The following ESR1 variants were observed in gnomAD, a reference collection of about 807,000 sequenced individuals.
ESR1 encodes the protein estrogen receptor 1.
Under a neutral mutation model 52.7 loss-of-function variants are expected in ESR1, and 12 were observed. That is an observed-to-expected ratio of 0.23 (90% CI 0.15 to 0.37). The LOEUF (loss-of-function observed/expected upper bound fraction) is 0.37, where lower values mean the gene tolerates loss of function less well. ESR1 is among the 10% of genes least tolerant of loss of function. The probability of loss-of-function intolerance (pLI) is 1.00; values close to 1 mark genes in which losing one functional copy is unlikely to be tolerated. For synonymous variants in ESR1, 305 were observed against 316.8 expected, an observed-to-expected ratio of 0.96 and a Z score of 0.39; for missense variants, 584 against 779.7, an observed-to-expected ratio of 0.75 and a Z score of 2.99.
chr6:152,096,615 G>A (rs940198683), intron 7 of ESR1: 37 of 455,528 alleles, frequency 8.1e-5, no homozygotes, highest in African/African-American at 5.8e-4. Context: ...CTGTGAATTC[G>A]GCTTCTACTT....
chr6:152,027,271 C>T (rs2044233291), intron 5 of ESR1, among the ~76,000 whole-genome samples: 1 of 152,046 alleles, frequency 6.6e-6, no homozygotes, highest in African/African-American at 2.4e-5. Context: ...AGCCTCTCAT[C>T]TTATTTTTAT....
In ESR1 at chr6:151,677,443, A is replaced by G. The variant is rs75122803; in HGVS notation, n.73+20680A>G. 9.6e-3 allele frequency among the ~76,000 whole-genome samples: 1,467 copies of G among 152,366 alleles called. 22 individuals are homozygous for G. Among genetic ancestry groups the G allele is most frequent in the African/African-American group, 0.033 (1,357 of 41,584 alleles). On this transcript the variant is annotated intron_variant and non_coding_transcript_variant, in intron 1 of 2. Transcript: ENST00000473497. The stretch of plus-strand genomic sequence containing the variant: ...CCATGGTTCTCTGGGTGAGAGGGTC[A>G]CTGTGAATGAATGTACACACAGAGC...
chr6:152,115,928 C>A (rs1311262963), intron 6 of ESR1, among the ~76,000 whole-genome samples: 1 of 152,150 alleles, frequency 6.6e-6, no homozygotes, highest in Non-Finnish European at 1.5e-5. Flanking sequence ...AACTACTGAT[C>A]CCCAGCTACC....
rs11386586 is a variant in ESR1, at chr6:151,851,530, G to GTT, written c.643+8757_643+8758dup. Among the ~76,000 whole-genome samples the GTT allele has an allele frequency of 4.2e-3, 598 of 142,278 alleles. 5 individuals carry two copies. Among genetic ancestry groups the GTT allele is most frequent in the African/African-American group, 4.0e-3 (155 of 38,596 alleles). 93.3% of individuals were successfully genotyped at this position (142,278 alleles called of 152,430 possible). On this transcript the variant is annotated intron_variant, in intron 2 of 7. Coordinates refer to ENST00000206249, the MANE Select transcript of ESR1 (RefSeq NM_000125.4). The stretch of plus-strand genomic sequence containing the variant: ...AACATGGGAGAGGTATGATGAAGGA[G>GTT]TTTTTTTTTTTTTTTGAGACAGAGT...
At chr6:152,128,974 A>G (rs758200987) in exon 7 of ESR1, 1 of 152,260 alleles carries the variant, frequency 6.6e-6, no homozygotes, top group Non-Finnish European at 1.5e-5. Flanking sequence ...AAGATTATTT[A>G]TGTTCCAGTC....
At chr6:151,669,189 A>AGAGAGAGAG (rs774737323) in intron 1 of ESR1, among the ~76,000 whole-genome samples, 17 of 87,164 alleles carry the variant, frequency 2.0e-4, no homozygotes, top group African/African-American at 4.9e-4. Flanking sequence ...AGAGAGAGAG[A>AGAGAGAGAG]TGGGAATCCA....
chr6:151,862,201 G>A lies in ESR1; in HGVS notation c.644-18454G>A, dbSNP rs78142221. On this transcript the variant is annotated intron_variant, in intron 2 of 7. Transcript: ENST00000206249. ...CTCACTTTTCAGATGAGGAAACCAA[G>A]GTATGTAAGAAACAAAACCAGTGTT... 9.8e-3 allele frequency among the ~76,000 whole-genome samples: 1,486 copies of A among 152,208 alleles called. 30 individuals carry two copies. Among genetic ancestry groups the A allele is most frequent in the African/African-American group, 0.035 (1,438 of 41,532 alleles).
At chr6:151,671,439 C>A (rs2115253014) in intron 1 of ESR1, among the ~76,000 whole-genome samples, 1 of 152,224 alleles carries the variant, frequency 6.6e-6, no homozygotes, top group South Asian at 2.1e-4. Context: ...CACAGAAAGA[C>A]AAATTGTGCA....
chr6:151,911,763 G>C (rs1411250005), intron 3 of ESR1, among the ~76,000 whole-genome samples: 1 of 152,214 alleles, frequency 6.6e-6, no homozygotes, highest in Non-Finnish European at 1.5e-5. Flanking sequence ...ACACCAGTTA[G>C]CTGAGACTCT....
chr6:151,903,835 T>A (rs952814450), intron 3 of ESR1, among the ~76,000 whole-genome samples: 1 of 152,358 alleles, frequency 6.6e-6, no homozygotes, highest in South Asian at 2.1e-4. Flanking sequence ...CCAGATCAAG[T>A]TGAGCCAAGC....
intron 2 of ESR1, among the ~76,000 whole-genome samples, chr6:151,715,842 A>G (rs759688734): frequency 6.6e-6 from 1 of 152,092 alleles, no homozygotes; most frequent in Non-Finnish European, 1.5e-5. Context: ...CTGTCAATTC[A>G]TCAAACTCAT....
intron 4 of ESR1, among the ~76,000 whole-genome samples, chr6:151,999,345 T>C (rs188705853): frequency 2.0e-5 from 3 of 152,270 alleles, no homozygotes; most frequent in East Asian, 3.9e-4. Flanking sequence ...TAGTTAAGGA[T>C]ATTAATGACT....
chr6:151,886,296 G>T (rs1793833322), intron 3 of ESR1, among the ~76,000 whole-genome samples: 1 of 152,062 alleles, frequency 6.6e-6, no homozygotes, highest in Non-Finnish European at 1.5e-5. Flanking sequence ...TTGAGGCAAG[G>T]TTTTCATTGT....
chr6:152,037,442 C>G (rs761687221), intron 5 of ESR1, among the ~76,000 whole-genome samples: 1 of 152,190 alleles, frequency 6.6e-6, no homozygotes, highest in Non-Finnish European at 1.5e-5. Context: ...TTCACCAGGC[C>G]TCTGAAATCA....
At chr6:152,002,644 A>AT (rs1174913115) in intron 4 of ESR1, among the ~76,000 whole-genome samples, 1 of 151,934 alleles carries the variant, frequency 6.6e-6, no homozygotes, top group Non-Finnish European at 1.5e-5. Context: ...TAGTTTATTA[A>AT]TTTTTTCCCT....
intron 3 of ESR1, among the ~76,000 whole-genome samples, chr6:151,928,191 C>T (rs1381406106): frequency 6.6e-6 from 1 of 152,152 alleles, no homozygotes; most frequent in African/African-American, 2.4e-5. Context: ...TGTCCCAGTA[C>T]ATCCACTGTA....
At chr6:152,090,836 C>T (rs748806251) in intron 6 of ESR1, among the ~76,000 whole-genome samples, 6 of 152,274 alleles carry the variant, frequency 3.9e-5, no homozygotes, top group African/African-American at 4.8e-5. Context: ...ACTCCCCTTT[C>T]GTTTGTACCA....
intron 2 of ESR1, among the ~76,000 whole-genome samples, chr6:151,864,410 A>G (rs1789464217): frequency 6.6e-6 from 1 of 151,914 alleles, no homozygotes. Context: ...ACCAGTTAGA[A>G]TGGTGATCAT....
chr6:151,713,825 G>C (rs1780813436), intron 2 of ESR1, among the ~76,000 whole-genome samples: 2 of 151,488 alleles, frequency 1.3e-5, no homozygotes, highest in Non-Finnish European at 2.9e-5. Context: ...AGTTTATTTT[G>C]TGTCTCTGTC....
Sources: allele counts gnomAD v4.1 joint callset (sites outside exome capture counted in the v4.1 genomes callset), GRCh38; gene constraint gnomAD v4.1.1; transcripts MANE v1.5; gene names NCBI Gene and HGNC (gene_info 2026-07-23, HGNC 2026-07-21).